Variants in FMN1 observed in about 807,000 individuals in gnomAD.
The protein encoded by FMN1 is formin 1, also known as formin-1.
In FMN1, 110 loss-of-function variants were observed where a neutral mutation model predicts 132.4. The observed-to-expected ratio is 0.83, with a 90% CI of 0.71 to 0.97. The LOEUF (loss-of-function observed/expected upper bound fraction) is 0.97. FMN1 is among the 50% of genes least tolerant of loss of function. The pLI is 0.00. For synonymous variants in FMN1, 722 were observed against 651.7 expected (o/e 1.11, Z -1.64); for missense variants, 1,792 against 1,705.3 (o/e 1.05, Z -0.90).
intron 4 of FMN1, among the ~76,000 whole-genome samples, chr15:33,103,594 C>T (rs2039373980): frequency 6.6e-6 from 1 of 152,010 alleles, no homozygotes; most frequent in African/African-American, 2.4e-5. Context: ...TAATTTTATC[C>T]ATTGTGAAAT....
chr15:33,051,468 C>T (rs992091666), intron 6 of FMN1, among the ~76,000 whole-genome samples: 1 of 147,624 alleles, frequency 6.8e-6, no homozygotes. Flanking sequence ...GTCGGGCAAC[C>T]ATCAGGTGAT....
rs534598978 is a variant in FMN1, at chr15:33,090,023, G to A, written c.1868-1049C>T. ...ACAGAATCCATTTAAAGGGACATCT[G>A]CTAAACATGTCGCAAGCCACTTAAT... On this transcript the variant is annotated intron_variant, in intron 4 of 20. Transcript: ENST00000616417. 3.9e-5 allele frequency among the ~76,000 whole-genome samples: 6 copies of A among 152,186 alleles called. No individual in the cohort carries two copies. In the South Asian group the frequency reaches 1.2e-3, roughly 31 times the overall value.
intron 7 of FMN1, among the ~76,000 whole-genome samples, chr15:32,996,490 A>G (rs1031824064): frequency 1.3e-5 from 2 of 152,218 alleles, no homozygotes; most frequent in African/African-American, 4.8e-5. Context: ...TCAAAGTCAC[A>G]TCAGGAATAT....
chr15:33,137,740 G>A lies in FMN1; in HGVS notation c.1867+15308C>T, dbSNP rs556452699. Among the ~76,000 whole-genome samples, 9 of 152,302 alleles carry A rather than the reference G, an allele frequency of 5.9e-5. No individual in the cohort carries two copies. The East Asian group carries it at 1.5e-3, about 26-fold the overall frequency. On this transcript the variant is annotated intron_variant, in intron 4 of 20. Transcript: ENST00000616417. ...ATGATTACAGACATCAGAGCTAAGA[G>A]GGGAGCATCAGGTACTGCGGTTTCT...
intron 17 of FMN1, among the ~76,000 whole-genome samples, chr15:32,856,203 G>GA (rs1422738480): frequency 3.9e-5 from 6 of 152,144 alleles, no homozygotes; most frequent in Non-Finnish European, 4.4e-5. Context: ...CTCAGTAATA[G>GA]AAAAAGCATG....
chr15:32,905,352 C>T (rs748499508), intron 12 of FMN1, among the ~76,000 whole-genome samples: 27 of 152,184 alleles, frequency 1.8e-4, no homozygotes, highest in Non-Finnish European at 2.8e-4. Context: ...CTGCATTCTT[C>T]GATGGAGGAT....
At chr15:32,929,326 T>C (rs1183969194) in intron 9 of FMN1, among the ~76,000 whole-genome samples, 3 of 152,228 alleles carry the variant, frequency 2.0e-5, no homozygotes, top group African/African-American at 7.2e-5. Context: ...ACTACAATGG[T>C]AGGGACACAA....
intron 12 of FMN1, among the ~76,000 whole-genome samples, 184 bp from the exon 13 acceptor site, chr15:32,902,224 T>G (rs765594727): frequency 1.7e-4 from 26 of 152,166 alleles, no homozygotes; most frequent in Non-Finnish European, 2.9e-4. Context: ...AACAGGGCTG[T>G]TTTTTAAAGG....
intron 10 of FMN1, among the ~76,000 whole-genome samples, chr15:32,924,941 A>G (rs540789116): frequency 6.6e-6 from 1 of 152,290 alleles, no homozygotes; most frequent in South Asian, 2.1e-4. Flanking sequence ...AAAACCAAAA[A>G]AACCCCCAAA....
intron 4 of FMN1, among the ~76,000 whole-genome samples, chr15:33,122,054 C>CA (rs942334417): frequency 4.6e-5 from 7 of 152,060 alleles, no homozygotes; most frequent in African/African-American, 1.7e-4. Context: ...GGCCAATAGA[C>CA]AAAGAACAGA....
chr15:33,053,137 A>G (rs953145242), intron 6 of FMN1, among the ~76,000 whole-genome samples: 3 of 152,200 alleles, frequency 2.0e-5, no homozygotes, highest in African/African-American at 7.2e-5. Flanking sequence ...CACTGAGTGC[A>G]GGTACTCTGA....
In FMN1 at chr15:32,969,127, C is replaced by T. The variant is rs369598455; in HGVS notation, c.2574G>A (p.Glu858=). ...KDIHAALQPM[E]GMASNQQKAL... ...CCTTCTGCTGATTTGATGCCATGCC[C>T]TCCATTGGCTGGAGTGCTGCATGGA... Residue 858 remains glutamate, a synonymous_variant, in exon 8 of 21, where the codon GAG becomes GAA. Transcript: ENST00000616417. 6.2e-7 allele frequency: 1 copy of T among 1,613,498 alleles called. No homozygotes were observed. Among genetic ancestry groups the T allele is most frequent in the South Asian group, 1.1e-5 (1 of 91,044 alleles).
intron 19 of FMN1, among the ~76,000 whole-genome samples, chr15:32,796,450 A>G (rs2057294150): frequency 1.3e-5 from 2 of 152,082 alleles, no homozygotes; most frequent in Admixed American, 6.6e-5. Flanking sequence ...TATTTTGGTT[A>G]TGAATTTTAT....
intron 4 of FMN1, chr15:33,151,475 TCAGTCTCCAA>T: frequency 7.7e-7 from 1 of 1,291,346 alleles, no homozygotes; most frequent in Non-Finnish European, 1.1e-6. Flanking sequence ...GGGCTCACGG[TCAGTCTCCAA>T]CAGAAACTGA....
chr15:33,072,327 G>A (rs763130571), intron 5 of FMN1, among the ~76,000 whole-genome samples: 6 of 152,174 alleles, frequency 3.9e-5, no homozygotes, highest in Non-Finnish European at 7.3e-5. Flanking sequence ...CCTGTAAGTG[G>A]ATTCCCAGAG....
intron 4 of FMN1, among the ~76,000 whole-genome samples, chr15:33,095,366 AG>A (rs1411007833): frequency 2.6e-5 from 4 of 152,150 alleles, no homozygotes; most frequent in African/African-American, 9.7e-5. Flanking sequence ...AAAAGAAAAA[AG>A]AAAGAATATA....
chr15:32,824,758 C>A, intron 17 of FMN1, among the ~76,000 whole-genome samples: 1 of 152,186 alleles, frequency 6.6e-6, no homozygotes, highest in East Asian at 1.9e-4. Context: ...CGTGCCCCAG[C>A]CCTCTGTTTT....
intron 6 of FMN1, among the ~76,000 whole-genome samples, chr15:33,011,462 T>A (rs927460112): frequency 6.6e-5 from 10 of 152,016 alleles, no homozygotes; most frequent in South Asian, 6.2e-4. Flanking sequence ...AAATATTTTA[T>A]AATAATTATC....
chr15:33,020,906 G>A (rs146090828), intron 6 of FMN1, among the ~76,000 whole-genome samples: 125 of 152,234 alleles, frequency 8.2e-4, no homozygotes, highest in African/African-American at 2.9e-3. Context: ...TAATGTGAAC[G>A]ACTGGAACTT....
Sources: gnomAD v4.1 joint callset for allele counts (sites outside exome capture counted in the v4.1 genomes callset) on GRCh38, gnomAD v4.1.1 for gene constraint, MANE v1.5 for transcripts, NCBI Gene and HGNC (gene_info 2026-07-23, HGNC 2026-07-21) for gene names.